The following SGCD variants were observed in gnomAD, a reference collection of about 807,000 sequenced individuals.
SGCD encodes the protein delta-sarcoglycan.
In SGCD, 18 loss-of-function variants were observed where a neutral mutation model predicts 36.6. That is an observed-to-expected ratio of 0.49 (90% CI 0.34 to 0.73). The LOEUF is 0.73. Among genes scored for constraint, SGCD ranks in the 30% least tolerant of loss-of-function variants. The pLI is 0.01. For missense variants in SGCD, 387 were observed against 346.7 expected (o/e 1.12, Z -0.92); for synonymous variants, 133 against 130.6 (o/e 1.02, Z -0.12).
chr5:156,589,911 T>C (rs966109127), intron 5 of SGCD, among the ~76,000 whole-genome samples: 6 of 152,188 alleles, frequency 3.9e-5, no homozygotes, highest in African/African-American at 1.4e-4. Flanking sequence ...AAACTACAAA[T>C]TCCTGAAATC....
chr5:155,806,783 T>A, the SGCD span, among the ~76,000 whole-genome samples: 1 of 152,320 alleles, frequency 6.6e-6, no homozygotes, highest in African/African-American at 2.4e-5. Flanking sequence ...ATCCTGTGTT[T>A]TTTAGGCCAT....
intron 7 of SGCD, among the ~76,000 whole-genome samples, chr5:156,677,713 G>A (rs1561852550): frequency 6.6e-6 from 1 of 152,082 alleles, no homozygotes; most frequent in South Asian, 2.1e-4. Context: ...GTCTGGTGGA[G>A]AAAATTTTAT....
chr5:155,827,823 C>G, the SGCD span, among the ~76,000 whole-genome samples: 1 of 149,500 alleles, frequency 6.7e-6, no homozygotes, highest in African/African-American at 2.5e-5. Context: ...GGATTACAGG[C>G]ATGCACCACC....
chr5:156,018,959 A>G (rs1448167746), intron 1 of SGCD, among the ~76,000 whole-genome samples: 1 of 152,178 alleles, frequency 6.6e-6, no homozygotes, highest in Admixed American at 6.5e-5. Context: ...CAAGAGATTC[A>G]TTGTCTTTTT....
At chr5:156,511,791 G>C (rs1312463677) in intron 4 of SGCD, among the ~76,000 whole-genome samples, 2 of 152,182 alleles carry the variant, frequency 1.3e-5, no homozygotes, top group Non-Finnish European at 2.9e-5. Context: ...ACCTCTTGCT[G>C]TACCTAGCAC....
intron 1 of SGCD, among the ~76,000 whole-genome samples, chr5:156,012,675 G>C (rs6887369): frequency 0.08 from 12,050 of 150,234 alleles, 1,639 homozygotes; most frequent in African/African-American, 0.28. Context: ...TGCAGTGGTG[G>C]GATCTTGGCT....
chr5:156,162,658 G>A (rs1763111156), intron 3 of SGCD, among the ~76,000 whole-genome samples: 1 of 151,524 alleles, frequency 6.6e-6, no homozygotes, highest in South Asian at 2.1e-4. Flanking sequence ...AGGACTATTT[G>A]AACCTCCTGT....
the SGCD span, among the ~76,000 whole-genome samples, chr5:155,805,080 A>G: frequency 9.2e-5 from 14 of 152,310 alleles, no homozygotes; most frequent in Admixed American, 2.0e-4. Context: ...TAAATACCAC[A>G]CATGATTAGT....
intron 4 of SGCD, among the ~76,000 whole-genome samples, chr5:156,560,933 C>G (rs1196110028): frequency 6.6e-6 from 1 of 152,048 alleles, no homozygotes; most frequent in African/African-American, 2.4e-5. Flanking sequence ...TGAAATGGTC[C>G]AATGAATGTA....
chr5:156,622,856 GAGA>G (rs1762308357), intron 6 of SGCD, among the ~76,000 whole-genome samples: 1 of 152,102 alleles, frequency 6.6e-6, no homozygotes, highest in South Asian at 2.1e-4. Flanking sequence ...AGAACGGTGG[GAGA>G]AGATCAGAGG....
In SGCD at chr5:156,759,270, C is replaced by T. The variant is rs1757450999; in HGVS notation, c.753C>T (p.Tyr251=). 1.2e-6 allele frequency: 2 copies of T among 1,613,410 alleles called. No homozygotes were observed. Among genetic ancestry groups the T allele is most frequent in the Non-Finnish European group, 1.7e-6 (2 of 1,179,372 alleles). Residue 251 remains tyrosine, a synonymous_variant, in exon 9 of 9, where the codon TAC becomes TAT. Transcript: ENST00000337851. ...IRLPRLPHGS[Y]TPTGTRQKVF... ...TACCTAGACTGCCTCATGGATCCTA[C>T]ACGCCTACAGGAACGAGGCAGAAGG...
chr5:156,735,911 C>G (rs770655447), intron 7 of SGCD, among the ~76,000 whole-genome samples: 7 of 152,294 alleles, frequency 4.6e-5, no homozygotes, highest in South Asian at 2.1e-4. Context: ...CCATGTAGCT[C>G]TGTGTGTCAG....
intron 7 of SGCD, among the ~76,000 whole-genome samples, chr5:156,657,238 C>G (rs924666511): frequency 2.0e-5 from 3 of 150,758 alleles, no homozygotes; most frequent in Admixed American, 6.6e-5. Context: ...TTTCCTCTCT[C>G]TTTTATTTTA....
intron 3 of SGCD, among the ~76,000 whole-genome samples, chr5:156,488,773 A>G (rs1392079788): frequency 6.6e-6 from 1 of 152,168 alleles, no homozygotes; most frequent in Non-Finnish European, 1.5e-5. Flanking sequence ...CAACATTACC[A>G]CTACAGAAAA....
intron 7 of SGCD, among the ~76,000 whole-genome samples, chr5:156,715,810 T>TGCCTG (rs1755196914): frequency 6.6e-6 from 1 of 152,156 alleles, no homozygotes; most frequent in South Asian, 2.1e-4. Context: ...CTCTGTGCAG[T>TGCCTG]GCCTGGCATA....
intron 3 of SGCD, among the ~76,000 whole-genome samples, chr5:156,499,915 G>T (rs993841950): frequency 6.6e-6 from 1 of 151,972 alleles, no homozygotes; most frequent in African/African-American, 2.4e-5. Context: ...TATAATAGTC[G>T]AATACATTAT....
chr5:156,364,005 T>C (rs749329022), intron 3 of SGCD, among the ~76,000 whole-genome samples: 1 of 152,232 alleles, frequency 6.6e-6, no homozygotes, highest in Non-Finnish European at 1.5e-5. Flanking sequence ...GGCTTGGTGG[T>C]CTCAGTCACA....
intron 3 of SGCD, among the ~76,000 whole-genome samples, chr5:156,504,390 G>A (rs866046974): frequency 4.7e-5 from 6 of 126,484 alleles, no homozygotes; most frequent in African/African-American, 1.8e-4. Context: ...GGGTGTGTGT[G>A]TGTATATATA....
the SGCD span, among the ~76,000 whole-genome samples, chr5:155,795,358 A>G: frequency 6.6e-6 from 1 of 152,172 alleles, no homozygotes; most frequent in African/African-American, 2.4e-5. Context: ...ATGCAGATAC[A>G]TTCTTGGATG....
Sources: gnomAD v4.1 joint callset for allele counts (sites outside exome capture counted in the v4.1 genomes callset) on GRCh38, gnomAD v4.1.1 for gene constraint, MANE v1.5 for transcripts, NCBI Gene and HGNC (gene_info 2026-07-23, HGNC 2026-07-21) for gene names.